Variants in PTPRM observed in about 807,000 individuals in gnomAD.
PTPRM encodes protein tyrosine phosphatase receptor type M.
In PTPRM, 47 loss-of-function variants were observed where a neutral mutation model predicts 186.7. The observed-to-expected ratio is 0.25, with a 90% confidence interval of 0.20 to 0.32. The LOEUF (loss-of-function observed/expected upper bound fraction) is 0.32, where lower values mean the gene tolerates loss of function less well. Ranked by LOEUF, PTPRM falls within the 10% of genes least tolerant of loss-of-function variation. The probability of loss-of-function intolerance (pLI) is 1.00; values close to 1 mark genes in which losing one functional copy is unlikely to be tolerated. For missense variants in PTPRM, 1,494 were observed against 1,865.0 expected (o/e 0.80, Z 3.66); for synonymous variants, 668 against 674.9 (o/e 0.99, Z 0.16).
intron 5 of PTPRM, among the ~76,000 whole-genome samples, chr18:7,939,562 AG>A (rs1355241809): frequency 3.9e-5 from 6 of 152,228 alleles, no homozygotes; most frequent in African/African-American, 7.2e-5. Context: ...GCACATTTGA[AG>A]ATACTCTTGC....
chr18:8,064,625 A>G (rs964493740), intron 7 of PTPRM, among the ~76,000 whole-genome samples: 3 of 152,180 alleles, frequency 2.0e-5, no homozygotes, highest in African/African-American at 7.2e-5. Context: ...AATTCGTTCC[A>G]TTACATCACC....
chr18:7,974,356 T>C (rs2054788804), intron 7 of PTPRM, among the ~76,000 whole-genome samples: 1 of 152,178 alleles, frequency 6.6e-6, no homozygotes, highest in South Asian at 2.1e-4. Flanking sequence ...TCTCCATTGG[T>C]GTGCAGTGTG....
intron 1 of PTPRM, among the ~76,000 whole-genome samples, chr18:7,612,104 T>A (rs1043722827): frequency 6.6e-6 from 1 of 152,190 alleles, no homozygotes; most frequent in African/African-American, 2.4e-5. Flanking sequence ...TGGAATAACA[T>A]GTTTTTTTGC....
rs1254909341 is a variant in PTPRM at position 8,272,208 on chromosome 18, T to TAAA, written c.2754+18807_2754+18809dup. The stretch of plus-strand genomic sequence containing the variant: ...GTGACAGAGCAAGACTCTGCCTCAA[T>TAAA]AAAAAAAAAAAAAAAGAAAGAAAGA... On this transcript the variant is annotated intron_variant, in intron 19 of 32. Coordinates refer to ENST00000580170, the MANE Select transcript of PTPRM (RefSeq NM_001105244.2). 2.2e-4 allele frequency among the ~76,000 whole-genome samples: 17 copies of TAAA among 76,114 alleles called. 1 individual carries two copies. Among genetic ancestry groups the TAAA allele is most frequent in the African/African-American group, 3.4e-4 (7 of 20,440 alleles). 49.9% of individuals were successfully genotyped at this position (76,114 alleles called of 152,430 possible).
In PTPRM at chr18:8,284,649, A is replaced by G. The variant is rs560520874; in HGVS notation, c.2755-11719A>G. On this transcript the variant is annotated intron_variant, in intron 19 of 32. Transcript: ENST00000580170. ...CCCATAGTCCCAGCTACTCAGGCTCAGGAGGCTGAGGCAAGAGGATCTCTT... is the reference window on the plus strand; with the variant it reads ...CCCATAGTCCCAGCTACTCAGGCTCGGGAGGCTGAGGCAAGAGGATCTCTT... Among the ~76,000 whole-genome samples, 3 of 152,262 alleles carry G rather than the reference A, an allele frequency of 2.0e-5. No homozygotes were observed. The South Asian group carries it at 6.2e-4, about 32-fold the overall frequency.
At chr18:7,577,637 A>T (rs2036722633) in intron 1 of PTPRM, among the ~76,000 whole-genome samples, 1 of 152,334 alleles carries the variant, frequency 6.6e-6, no homozygotes, top group Non-Finnish European at 1.5e-5. Context: ...ACTTAATAAA[A>T]AGAGGCTACT....
intron 1 of PTPRM, among the ~76,000 whole-genome samples, chr18:7,718,658 G>C (rs927294916): frequency 6.6e-6 from 1 of 152,090 alleles, no homozygotes; most frequent in Non-Finnish European, 1.5e-5. Flanking sequence ...TTTGCAAACT[G>C]TGCATCTGAC....
chr18:8,209,989 TAAA>T (rs67547673), intron 14 of PTPRM, among the ~76,000 whole-genome samples: 2 of 78,706 alleles, frequency 2.5e-5, no homozygotes, highest in African/African-American at 8.8e-5. Flanking sequence ...GAAGTAAAAT[TAAA>T]AAAAAAAAAA....
intron 13 of PTPRM, among the ~76,000 whole-genome samples, chr18:8,118,811 A>ATATATAT (rs1555749530): frequency 2.3e-5 from 3 of 128,394 alleles, no homozygotes; most frequent in South Asian, 2.6e-4. Flanking sequence ...AAAAAAAAAA[A>ATATATAT]ATATATATAT....
At chr18:7,581,639 T>C (rs1598453887) in intron 1 of PTPRM, among the ~76,000 whole-genome samples, 6 of 151,988 alleles carry the variant, frequency 3.9e-5, no homozygotes, top group Admixed American at 3.9e-4. Flanking sequence ...ACCTTTTGTG[T>C]GTGCATGTTT....
chr18:7,720,230 T>G (rs2040421005), intron 1 of PTPRM, among the ~76,000 whole-genome samples: 1 of 152,120 alleles, frequency 6.6e-6, no homozygotes, highest in Non-Finnish European at 1.5e-5. Flanking sequence ...GATTCTAATA[T>G]CCACATATAA....
At chr18:8,322,717 C>G (rs1319336200) in intron 22 of PTPRM, among the ~76,000 whole-genome samples, 1 of 152,174 alleles carries the variant, frequency 6.6e-6, no homozygotes, top group Non-Finnish European at 1.5e-5. Context: ...ATTATGTGGC[C>G]TGCAAGCTGG....
At chr18:7,787,665 G>A (rs1166784166) in intron 2 of PTPRM, among the ~76,000 whole-genome samples, 3 of 152,132 alleles carry the variant, frequency 2.0e-5, no homozygotes, top group Admixed American at 1.3e-4. Context: ...GACTGCAGTG[G>A]GTGTGTGCCT....
chr18:8,334,733 G>A (rs1366301324), intron 22 of PTPRM, among the ~76,000 whole-genome samples: 1 of 152,118 alleles, frequency 6.6e-6, no homozygotes, highest in Non-Finnish European at 1.5e-5. Context: ...CTGTTTCTTA[G>A]GAGTTGTTTT....
chr18:7,950,294 G>C (rs2052852068), intron 6 of PTPRM, among the ~76,000 whole-genome samples: 1 of 152,104 alleles, frequency 6.6e-6, no homozygotes. Context: ...CTCCCAGCTA[G>C]TCAGGAGGCT....
chr18:8,109,431 A>G (rs1156387867), intron 11 of PTPRM, among the ~76,000 whole-genome samples: 1 of 152,200 alleles, frequency 6.6e-6, no homozygotes. Context: ...AAATTGCTCC[A>G]GTCAACTTAG....
At chr18:7,890,573 T>C (rs973909682) in intron 3 of PTPRM, among the ~76,000 whole-genome samples, 8 of 152,160 alleles carry the variant, frequency 5.3e-5, no homozygotes, top group African/African-American at 1.9e-4. Context: ...CACGTGTAAA[T>C]TGTTAAGATC....
At chr18:8,137,805 C>G (rs1410664414) in intron 13 of PTPRM, among the ~76,000 whole-genome samples, 4 of 152,082 alleles carry the variant, frequency 2.6e-5, no homozygotes, top group African/African-American at 9.7e-5. Context: ...TCCTTCCAGC[C>G]CATTCATTAT....
At chr18:8,209,675 A>G (rs1248909121) in intron 14 of PTPRM, among the ~76,000 whole-genome samples, 2 of 152,124 alleles carry the variant, frequency 1.3e-5, no homozygotes, top group Non-Finnish European at 2.9e-5. Flanking sequence ...TCAATTTAAA[A>G]TGAGGCAATT....
Sources: allele counts gnomAD v4.1 joint callset (sites outside exome capture counted in the v4.1 genomes callset), GRCh38; gene constraint gnomAD v4.1.1; transcripts MANE v1.5; gene names NCBI Gene and HGNC (gene_info 2026-07-23, HGNC 2026-07-21).